ANK3: variants seen among roughly 807,000 people sequenced by gnomAD.
The protein encoded by ANK3 is ankyrin 3, also known as ankyrin-3.
ANK3 carries 57 observed loss-of-function variants against 370.9 expected under a neutral mutation model. The ratio of observed to expected loss-of-function variants is 0.15; its 90% CI spans 0.12 to 0.19. The LOEUF (loss-of-function observed/expected upper bound fraction) is 0.19, where lower values mean the gene tolerates loss of function less well. ANK3 is among the 10% of genes least tolerant of loss of function. The pLI is 1.00. For missense variants in ANK3, 4,439 were observed against 5,302.1 expected (o/e 0.84, Z 5.06); for synonymous variants, 1,929 against 1,946.3 (o/e 0.99, Z 0.23).
chr10:60,180,892 A>G (rs536913020), intron 18 of ANK3, among the ~76,000 whole-genome samples: 39 of 152,294 alleles, frequency 2.6e-4, no homozygotes, highest in African/African-American at 9.4e-4. Context: ...GGAATTTAGC[A>G]AGTGAGTAAT....
chr10:60,083,714 T>C, intron 32 of ANK3, 97 bp from the exon 33 acceptor site: 1 of 1,035,138 alleles, frequency 9.7e-7, no homozygotes, highest in Non-Finnish European at 1.4e-6. Flanking sequence ...GACGTTACTA[T>C]GTTACACGTG....
chr10:60,179,019 A>G (rs1260672121), intron 18 of ANK3, among the ~76,000 whole-genome samples: 1 of 152,180 alleles, frequency 6.6e-6, no homozygotes, highest in Non-Finnish European at 1.5e-5. Flanking sequence ...ATCAGGGAGA[A>G]GAGGTCTTGA....
chr10:60,677,794 AAAAAAG>A (rs1422359316), intron 1 of ANK3, among the ~76,000 whole-genome samples: 2 of 151,500 alleles, frequency 1.3e-5, no homozygotes, highest in African/African-American at 2.4e-5. Context: ...CAAAAAAAAA[AAAAAAG>A]AAAAGAAAAG....
intron 1 of ANK3, 44 bp from the exon 2 acceptor site, chr10:60,279,683 T>TA: frequency 7.0e-7 from 1 of 1,430,970 alleles, no homozygotes; most frequent in Non-Finnish European, 9.8e-7. Flanking sequence ...ATGAAGCTAA[T>TA]ATGCATGTTT....
upstream of ANK3, among the ~76,000 whole-genome samples, chr10:60,392,343 C>T (rs1479505805): frequency 6.6e-6 from 1 of 152,176 alleles, no homozygotes; most frequent in Non-Finnish European, 1.5e-5. Context: ...ATTTCAAGAA[C>T]TTATGGTCAT....
intron 1 of ANK3, among the ~76,000 whole-genome samples, chr10:60,676,243 C>T (rs2133386034): frequency 6.6e-6 from 1 of 152,170 alleles, no homozygotes; most frequent in East Asian, 1.9e-4. Context: ...ATAATTCTTG[C>T]AAGTAATTTG....
chr10:60,166,131 TATC>T (rs1320312111), intron 23 of ANK3, among the ~76,000 whole-genome samples: 6 of 152,150 alleles, frequency 3.9e-5, no homozygotes, highest in Admixed American at 2.6e-4. Context: ...TTGTTTTCAT[TATC>T]ATTTCAAGAT....
At chr10:60,129,454 TA>T (rs1185720218) in intron 25 of ANK3, among the ~76,000 whole-genome samples, 1 of 152,076 alleles carries the variant, frequency 6.6e-6, no homozygotes, top group Non-Finnish European at 1.5e-5. Flanking sequence ...ATCGTCTTTT[TA>T]AAAGTTCTCC....
At chr10:60,210,611 T>C (rs566966601) in intron 9 of ANK3, among the ~76,000 whole-genome samples, 53 of 152,282 alleles carry the variant, frequency 3.5e-4, no homozygotes, top group Non-Finnish European at 6.8e-4. Flanking sequence ...GTAATAGATA[T>C]ATGTATCCTT....
intron 2 of ANK3, among the ~76,000 whole-genome samples, chr10:60,461,036 G>C (rs2064871224): frequency 6.6e-6 from 1 of 152,126 alleles, no homozygotes; most frequent in Non-Finnish European, 1.5e-5. Flanking sequence ...TTTAAGCACA[G>C]GTCACAAAAC....
intron 1 of ANK3, among the ~76,000 whole-genome samples, chr10:60,658,310 T>C (rs2078893323): frequency 6.6e-6 from 1 of 152,086 alleles, no homozygotes; most frequent in African/African-American, 2.4e-5. Context: ...TAAAACTCAA[T>C]TTTATTGCCA....
In ANK3 at chr10:60,450,340, T is replaced by C. The variant is rs1367171388; in HGVS notation, c.96+164846A>G. 7.9e-5 allele frequency among the ~76,000 whole-genome samples: 12 copies of C among 152,208 alleles called. No individual in the cohort carries two copies. The East Asian group carries it at 1.7e-3, about 22-fold the overall frequency. On this transcript the variant is annotated intron_variant, in intron 2 of 43. Coordinates refer to the ANK3 transcript ENST00000373827. Reference sequence around the variant, plus strand: ...AGAATGAACAAGCTCTGATTTGCGGTGTTTGCCACTTTCCATGATGTAAAT... The same window carrying C: ...AGAATGAACAAGCTCTGATTTGCGGCGTTTGCCACTTTCCATGATGTAAAT...
intron 2 of ANK3, chr10:60,572,386 T>G: frequency 7.1e-7 from 1 of 1,403,154 alleles, no homozygotes; most frequent in South Asian, 1.4e-5. Context: ...GCCAATCTCT[T>G]AAAAATTCAG....
At chr10:60,660,918 T>TA (rs2078927643) in intron 1 of ANK3, among the ~76,000 whole-genome samples, 1 of 148,830 alleles carries the variant, frequency 6.7e-6, no homozygotes, top group South Asian at 2.1e-4. Context: ...AAATACACAC[T>TA]CACACACACA....
In ANK3 at chr10:60,071,202, C is replaced by T. The variant is rs2082620162; in HGVS notation, c.9679G>A (p.Ala3227Thr). The T allele has an allele frequency of 6.2e-7, 1 of 1,614,044 alleles. No homozygotes were observed. The highest frequency in any genetic ancestry group is 8.5e-7 in the Non-Finnish European group (1 of 1,180,040). The change falls in exon 37 of 44, where the codon GCA (alanine) becomes ACA (threonine). Residue 3227 changes from alanine (A) to threonine (T), a missense_variant. Physicochemically the swap from Ala to Thr is moderately conservative, Grantham distance 58. Coordinates refer to ENST00000280772, the MANE Select transcript of ANK3 (RefSeq NM_020987.5). ...TCATTAGGCATTTCACGCTCAACTG[C>T]TGTTTCCTCCACTGTAGTCTGCTTA... is the stretch of plus-strand genomic sequence containing the variant. ...SLKQTTVEETAVEREMPNDVS... is the reference protein window; with the variant it reads ...SLKQTTVEETTVEREMPNDVS...
At chr10:60,301,308 A>G (rs1280846314) in intron 1 of ANK3, among the ~76,000 whole-genome samples, 5 of 149,828 alleles carry the variant, frequency 3.3e-5, no homozygotes, top group Non-Finnish European at 1.5e-5. Context: ...ATACATATAT[A>G]CACACATACA....
At chr10:60,509,011 C>T (rs75488305) in intron 2 of ANK3, among the ~76,000 whole-genome samples, 1,849 of 152,154 alleles carry the variant, frequency 0.012, 40 homozygotes, top group African/African-American at 0.04. Flanking sequence ...TCTTTCTTTA[C>T]AGGACTAAAT....
intron 1 of ANK3, among the ~76,000 whole-genome samples, chr10:60,292,472 A>T (rs749429660): frequency 4.6e-4 from 70 of 152,020 alleles, no homozygotes; most frequent in Admixed American, 9.2e-4. Context: ...ATGTTAATAT[A>T]AGGAAGATTT....
chr10:60,684,640 G>A, intron 1 of ANK3: 3 of 1,589,290 alleles, frequency 1.9e-6, no homozygotes, highest in Non-Finnish European at 2.6e-6. Flanking sequence ...CAATGAATTT[G>A]TAAATACCGT....
Sources: gnomAD v4.1 joint callset for allele counts (sites outside exome capture counted in the v4.1 genomes callset) on GRCh38, gnomAD v4.1.1 for gene constraint, MANE v1.5 for transcripts, NCBI Gene and HGNC (gene_info 2026-07-23, HGNC 2026-07-21) for gene names.